Variants in THSD7A observed in about 807,000 individuals in gnomAD.
The protein encoded by THSD7A is thrombospondin type-1 domain-containing protein 7A.
Under a neutral mutation model 231.3 loss-of-function variants are expected in THSD7A, and 96 were observed. The ratio of observed to expected loss-of-function variants is 0.41; its 90% CI spans 0.35 to 0.49. The LOEUF is 0.49. THSD7A is among the 20% of genes least tolerant of loss of function. The pLI is 0.05. For missense variants in THSD7A, 2,290 were observed against 2,070.2 expected, an observed-to-expected ratio of 1.11 and a Z score of -2.06; for synonymous variants, 940 against 743.3, an observed-to-expected ratio of 1.26 and a Z score of -4.30.
At chr7:11,770,190 TA>T (rs1226142065) in intron 1 of THSD7A, among the ~76,000 whole-genome samples, 9 of 152,132 alleles carry the variant, frequency 5.9e-5, no homozygotes, top group Admixed American at 5.9e-4. Context: ...AATCACCCTC[TA>T]TTATATTTAA....
intron 4 of THSD7A, among the ~76,000 whole-genome samples, chr7:11,586,072 C>G (rs1779888733): frequency 6.6e-6 from 1 of 152,060 alleles, no homozygotes; most frequent in Non-Finnish European, 1.5e-5. Flanking sequence ...ATCATGGGTT[C>G]TAGTCCTTTT....
chr7:11,645,919 A>C (rs1339897509), intron 1 of THSD7A, among the ~76,000 whole-genome samples: 2 of 151,924 alleles, frequency 1.3e-5, no homozygotes, highest in African/African-American at 2.4e-5. Context: ...AAACACCCCC[A>C]AAAAAGTAGT....
chr7:11,523,220 T>G (rs924110717), intron 6 of THSD7A, among the ~76,000 whole-genome samples: 5 of 152,122 alleles, frequency 3.3e-5, no homozygotes, highest in Admixed American at 6.6e-5. Flanking sequence ...TAAATAAAAA[T>G]CTGGCTTCCT....
rs533731763 is a variant in THSD7A, at chr7:11,396,241, A to T, written c.4411+5554T>A. Among the ~76,000 whole-genome samples the T allele has an allele frequency of 1.3e-3, 191 of 152,302 alleles. 1 individual carries two copies. Among genetic ancestry groups the T allele is most frequent in the Middle Eastern group, 0.01 (3 of 294 alleles). On this transcript the variant is annotated intron_variant, in intron 23 of 27. Transcript: ENST00000423059. ...TTAACATCACAATTAAAAGAACTAG[A>T]GAAGCAAGAGTAAATTCAAAAGCTA...
rs1002342399 is a variant in THSD7A, at chr7:11,444,950, T to C, written c.3064+1111A>G. Among the ~76,000 whole-genome samples, 1 of 148,696 alleles carries C rather than the reference T, an allele frequency of 6.7e-6. No homozygotes were observed. The highest frequency in any genetic ancestry group is 1.5e-5 in the Non-Finnish European group (1 of 67,336). ...TATGTATATATAGAATGAAACTATA[T>C]ATATGTATATATATATTAAATGAAA... On this transcript the variant is annotated intron_variant, in intron 13 of 27. Transcript: ENST00000423059. This position sits in a 1 kb window ranked among gnomAD's most constrained non-coding sequence, Gnocchi z 4.2.
At chr7:11,428,153 G>A (rs541896511) in intron 14 of THSD7A, among the ~76,000 whole-genome samples, 1 of 152,202 alleles carries the variant, frequency 6.6e-6, no homozygotes, top group African/African-American at 2.4e-5. Flanking sequence ...ACATATTTAA[G>A]GACTTGATTC....
chr7:11,419,887 G>T (rs1784087451), intron 16 of THSD7A, among the ~76,000 whole-genome samples: 1 of 152,168 alleles, frequency 6.6e-6, no homozygotes, highest in Non-Finnish European at 1.5e-5. Flanking sequence ...GTGGCATTGT[G>T]CCCCTGCTCT....
rs1247636872 is a variant in THSD7A at position 11,725,034 on chromosome 7, T to C, written c.191-88073A>G. ...AAGAGCAAAGAAATAGAAGAGAAGA[T>C]CCACGTAACTCTTCATTTGTCTGTA... On this transcript the variant is annotated intron_variant, in intron 1 of 27. Transcript: ENST00000423059. Among the ~76,000 whole-genome samples, 5 of 151,880 alleles carry C rather than the reference T, an allele frequency of 3.3e-5. No individual in the cohort carries two copies. In the East Asian group the frequency reaches 9.7e-4, roughly 30 times the overall value.
intron 1 of THSD7A, among the ~76,000 whole-genome samples, chr7:11,763,459 T>C (rs1339152710): frequency 6.6e-6 from 1 of 152,220 alleles, no homozygotes; most frequent in Non-Finnish European, 1.5e-5. Flanking sequence ...TATCTAAATG[T>C]ATATGCATAT....
At chr7:11,408,209 T>C (rs2115374310) in intron 19 of THSD7A, among the ~76,000 whole-genome samples, 1 of 152,266 alleles carries the variant, frequency 6.6e-6, no homozygotes, top group East Asian at 1.9e-4. Context: ...CAAAGTAGTA[T>C]TGAAATAGGA....
intron 4 of THSD7A, among the ~76,000 whole-genome samples, chr7:11,571,615 AG>A (rs1328599127): frequency 1.3e-5 from 2 of 152,200 alleles, no homozygotes; most frequent in Non-Finnish European, 2.9e-5. Context: ...ACAACTGCTC[AG>A]TAACCACTTC....
chr7:11,583,434 G>T (rs1387321455), intron 4 of THSD7A, among the ~76,000 whole-genome samples: 1 of 151,922 alleles, frequency 6.6e-6, no homozygotes, highest in Non-Finnish European at 1.5e-5. Context: ...ATGCCATCAC[G>T]CCTGGCAGTT....
At chr7:11,583,459 G>T (rs1791257687) in intron 4 of THSD7A, among the ~76,000 whole-genome samples, 1 of 151,796 alleles carries the variant, frequency 6.6e-6, no homozygotes, top group Non-Finnish European at 1.5e-5. Context: ...TATTTTTTTG[G>T]TAGAGACAGT....
In THSD7A at chr7:11,540,607, T is replaced by A. The variant is rs551565129; in HGVS notation, c.1822+812A>T. 3.3e-5 allele frequency among the ~76,000 whole-genome samples: 5 copies of A among 152,302 alleles called. No homozygotes were observed. In the East Asian group the frequency reaches 7.7e-4, roughly 24 times the overall value. ...TCAAGAGATAGAGCAACCTTAGAGA[T>A]GATCTTGTCCAGAGGTTTTAAAGTA... On this transcript the variant is annotated intron_variant, in intron 6 of 27. Transcript: ENST00000423059.
In THSD7A at chr7:11,520,886, C is replaced by T. The variant is rs535228919; in HGVS notation, c.1822+20533G>A. ...AGTAAGTTTGATGACAGGCAAAGGTCTCAGAGGTGGTGAAATCAATTTTAG... is the reference window on the plus strand; with the variant it reads ...AGTAAGTTTGATGACAGGCAAAGGTTTCAGAGGTGGTGAAATCAATTTTAG... On this transcript the variant is annotated intron_variant, in intron 6 of 27. Transcript: ENST00000423059. Among the ~76,000 whole-genome samples, 30 of 152,196 alleles carry T rather than the reference C, an allele frequency of 2.0e-4. No individual in the cohort carries two copies. The South Asian group carries it at 3.5e-3, about 18-fold the overall frequency.
chr7:11,395,409 T>C (rs1783143792), intron 23 of THSD7A, among the ~76,000 whole-genome samples: 3 of 151,986 alleles, frequency 2.0e-5, no homozygotes, highest in African/African-American at 7.3e-5. Context: ...ATTAGGCAAA[T>C]CAATGAGACA....
intron 1 of THSD7A, among the ~76,000 whole-genome samples, chr7:11,760,546 G>A (rs1331937255): frequency 4.6e-5 from 7 of 151,914 alleles, no homozygotes; most frequent in Middle Eastern, 3.2e-3. Flanking sequence ...CTTCTTGTTC[G>A]CTGAGCTTCC....
chr7:11,483,166 T>C (rs1314090923), intron 6 of THSD7A, among the ~76,000 whole-genome samples: 1 of 152,202 alleles, frequency 6.6e-6, no homozygotes, highest in Non-Finnish European at 1.5e-5. Context: ...AACAAAATAG[T>C]CCAAGCTGTT....
At position 11,532,846 on chromosome 7, in the gene THSD7A, A is replaced by G. The variant is rs190378060; in HGVS notation, c.1822+8573T>C. Among the ~76,000 whole-genome samples the G allele has an allele frequency of 3.3e-5, 5 of 152,334 alleles. No individual in the cohort carries two copies. In the South Asian group the frequency reaches 1.0e-3, roughly 32 times the overall value. On this transcript the variant is annotated intron_variant, in intron 6 of 27. Transcript: ENST00000423059. ...ATGCCACAAGAGCTGTTATAAAATG[A>G]AAAAATAAAACTATTTCTCATCCTT...
Sources: allele counts gnomAD v4.1 joint callset (sites outside exome capture counted in the v4.1 genomes callset), GRCh38; gene constraint gnomAD v4.1.1; non-coding constraint Gnocchi (gnomAD v3.1); transcripts MANE v1.5; gene names NCBI Gene and HGNC (gene_info 2026-07-23, HGNC 2026-07-21).